The following FBXO4 variants were observed in gnomAD, a reference collection of about 807,000 sequenced individuals.
FBXO4 encodes F-box protein 4, also known as F-box only protein 4.
A neutral mutation model predicts 43.7 loss-of-function variants in FBXO4; 36 were observed. The observed-to-expected ratio is 0.82, with a 90% CI of 0.63 to 1.09. The LOEUF (loss-of-function observed/expected upper bound fraction) is 1.09, where lower values mean the gene tolerates loss of function less well. Among genes scored for constraint, FBXO4 ranks in the 50% least tolerant of loss-of-function variants. FBXO4 has a pLI of 0.00. For missense variants in FBXO4, 435 were observed against 474.1 expected (o/e 0.92, Z 0.77); for synonymous variants, 180 against 165.6 (o/e 1.09, Z -0.67).
the FBXO4 span, among the ~76,000 whole-genome samples, chr5:41,981,031 A>G: frequency 3.9e-5 from 6 of 152,196 alleles, no homozygotes; most frequent in East Asian, 9.6e-4. Flanking sequence ...CACTAGATAT[A>G]TATAAGAGCC....
the FBXO4 span, among the ~76,000 whole-genome samples, chr5:41,960,485 C>T: frequency 2.0e-5 from 3 of 151,992 alleles, no homozygotes; most frequent in Non-Finnish European, 2.9e-5. Context: ...TAGCTGTGGG[C>T]TTCTCATATA....
the FBXO4 span, among the ~76,000 whole-genome samples, chr5:42,029,369 C>A: frequency 6.6e-6 from 1 of 151,982 alleles, no homozygotes; most frequent in Non-Finnish European, 1.5e-5. Flanking sequence ...CTTTAGGATC[C>A]TTCCTTTATC....
At chr5:41,939,876 G>T (rs1751960151) in intron 6 of FBXO4, among the ~76,000 whole-genome samples, 1 of 124,330 alleles carries the variant, frequency 8.0e-6, no homozygotes, top group African/African-American at 3.3e-5. Context: ...TTGAGACAGG[G>T]TCTCACTTTG....
chr5:41,961,902 A>G, the FBXO4 span, among the ~76,000 whole-genome samples: 2 of 152,236 alleles, frequency 1.3e-5, no homozygotes, highest in Non-Finnish European at 2.9e-5. Context: ...GGTTCCTGCC[A>G]TGCAACTGAT....
chr5:41,963,855 T>C, the FBXO4 span: 1 of 152,104 alleles, frequency 6.6e-6, no homozygotes, highest in Non-Finnish European at 1.5e-5. Context: ...ATGAAATAAT[T>C]AGAATTTTTT....
At chr5:41,938,877 A>G (rs1751922002) in intron 5 of FBXO4, among the ~76,000 whole-genome samples, 1 of 152,212 alleles carries the variant, frequency 6.6e-6, no homozygotes, top group Non-Finnish European at 1.5e-5. Context: ...CAATCCAGCA[A>G]TGGAGAATCT....
Position 41,925,443 on chromosome 5 carries a change from G to A in FBXO4, c.134G>A (p.Arg45His), listed in dbSNP as rs376237718. The change falls in exon 1 of 7, where the codon CGT becomes CAT. Residue 45 changes from arginine to histidine, a missense_variant. Physicochemically the swap from Arg to His is conservative, Grantham distance 29. Transcript: ENST00000281623. Reference sequence around the variant, plus strand: ...TCAGTGAGCAAGGAGAGGGTGGCGCGTACGACCTCACGGGAGGAGGTGGAT... The same window carrying A: ...TCAGTGAGCAAGGAGAGGGTGGCGCATACGACCTCACGGGAGGAGGTGGAT... ...WQSVSKERVA[R>H]TTSREEVDEA... 2.8e-5 allele frequency: 38 copies of A among 1,363,374 alleles called. No individual in the cohort carries two copies. The highest frequency in any genetic ancestry group is 1.5e-4 in the East Asian group (5 of 32,404). The allele number at this position is 1,363,374 out of a possible 1,614,324, so 84.5% of individuals were successfully genotyped here. A position where few individuals can be genotyped will look rare whatever the true frequency, so the allele number is the denominator to read the frequency against.
At chr5:42,016,583 T>G in the FBXO4 span, among the ~76,000 whole-genome samples, 2 of 152,028 alleles carry the variant, frequency 1.3e-5, no homozygotes, top group African/African-American at 4.8e-5. Context: ...AACAATTTTT[T>G]TATTTATTAG....
the FBXO4 span, among the ~76,000 whole-genome samples, chr5:42,017,770 T>C: frequency 6.6e-6 from 1 of 151,450 alleles, no homozygotes; most frequent in Non-Finnish European, 1.5e-5. Flanking sequence ...AAGAACATGA[T>C]TTCCTGCCTT....
At chr5:41,996,808 C>T in the FBXO4 span, among the ~76,000 whole-genome samples, 1 of 152,168 alleles carries the variant, frequency 6.6e-6, no homozygotes, top group Non-Finnish European at 1.5e-5. Context: ...CACCACTGGA[C>T]CCCTAGATAT....
the FBXO4 span, among the ~76,000 whole-genome samples, chr5:42,032,349 C>T: frequency 6.6e-6 from 1 of 152,108 alleles, no homozygotes; most frequent in African/African-American, 2.4e-5. Context: ...TGGGTGGGTC[C>T]AGAGATGCCA....
the FBXO4 span, among the ~76,000 whole-genome samples, chr5:42,033,476 A>G: frequency 6.6e-6 from 1 of 152,064 alleles, no homozygotes; most frequent in Non-Finnish European, 1.5e-5. Flanking sequence ...TTCTGCACCT[A>G]TCAACCTGTC....
the FBXO4 span, among the ~76,000 whole-genome samples, chr5:41,961,275 T>G: frequency 6.6e-6 from 1 of 152,150 alleles, no homozygotes; most frequent in East Asian, 1.9e-4. Context: ...TGATGGCTGC[T>G]AAGGTCCTCC....
At chr5:41,935,000 C>T in intron 5 of FBXO4, 1 of 984,784 alleles carries the variant, frequency 1.0e-6, no homozygotes, top group Non-Finnish European at 1.2e-6. Context: ...AATTTATTTT[C>T]CCTGTGATCT....
At chr5:41,976,864 A>C in the FBXO4 span, among the ~76,000 whole-genome samples, 1 of 152,224 alleles carries the variant, frequency 6.6e-6, no homozygotes, top group African/African-American at 2.4e-5. Context: ...AGAAATTCTC[A>C]GTGAGGGATA....
the FBXO4 span, among the ~76,000 whole-genome samples, chr5:42,022,499 G>T: frequency 2.0e-5 from 3 of 151,994 alleles, no homozygotes; most frequent in Non-Finnish European, 4.4e-5. Context: ...TTATTCTGAT[G>T]TCCTGTTTTT....
rs568573314 is a variant in FBXO4 at position 41,930,156 on chromosome 5, A to C, written c.646+239A>C. On this transcript the variant is annotated intron_variant, in intron 3 of 6. Coordinates refer to ENST00000281623, the MANE Select transcript of FBXO4 (RefSeq NM_012176.3). Reference sequence around the variant, plus strand: ...CTTTAAGATTATGTGAAAATAAATTATTTGTTGTCAAGATGTTGCATTTGT... The same window carrying C: ...CTTTAAGATTATGTGAAAATAAATTCTTTGTTGTCAAGATGTTGCATTTGT... 3 of 450,614 alleles carry C rather than the reference A, an allele frequency of 6.7e-6. No individual in the cohort carries two copies. In the East Asian group the frequency reaches 1.1e-4, roughly 17 times the overall value. 27.9% of individuals were successfully genotyped at this position (450,614 alleles called of 1,614,324 possible).
chr5:42,031,275 G>A, the FBXO4 span, among the ~76,000 whole-genome samples: 1 of 152,076 alleles, frequency 6.6e-6, no homozygotes, highest in Non-Finnish European at 1.5e-5. Flanking sequence ...ATACTATGCA[G>A]CCATAAAACG....
chr5:42,032,187 C>A, the FBXO4 span, among the ~76,000 whole-genome samples: 2 of 151,756 alleles, frequency 1.3e-5, no homozygotes, highest in Non-Finnish European at 2.9e-5. Flanking sequence ...GACCTGAAGC[C>A]AGCACAGCAC....
Sources: gnomAD v4.1 joint callset for allele counts (sites outside exome capture counted in the v4.1 genomes callset) on GRCh38, gnomAD v4.1.1 for gene constraint, MANE v1.5 for transcripts, NCBI Gene and HGNC (gene_info 2026-07-23, HGNC 2026-07-21) for gene names.